SLC4A7: variants seen among roughly 807,000 people sequenced by gnomAD.
SLC4A7 encodes the protein solute carrier family 4 member 7.
Under a neutral mutation model 137.6 loss-of-function variants are expected in SLC4A7, and 51 were observed. That is an observed-to-expected ratio of 0.37 (90% CI 0.30 to 0.47). The LOEUF (loss-of-function observed/expected upper bound fraction) is 0.47. Ranked by LOEUF, SLC4A7 falls within the 20% of genes least tolerant of loss-of-function variation. The pLI is 1.00. For missense variants in SLC4A7, 1,247 were observed against 1,525.4 expected (o/e 0.82, Z 3.04); for synonymous variants, 542 against 518.6 (o/e 1.05, Z -0.61).
rs372599708 is a variant in SLC4A7, at chr3:27,394,976, T to C, written c.2843A>G (p.Asn948Ser). Residue 948 changes from asparagine to serine, a missense_variant, in exon 19 of 26, where the codon AAC becomes AGC. By Grantham distance (46) the Asn-to-Ser change is conservative. Coordinates refer to ENST00000454389, the MANE Select transcript of SLC4A7 (RefSeq NM_001321103.2). ...MDQQITAVII[N>S]RKEHKLKKGA... ...TACCTTCAATTTGTGTTCCTTTCTG[T>C]TTATAATTACAGCTGTGATTTGTTG... The C allele has an allele frequency of 1.3e-6, 2 of 1,598,406 alleles. No individual in the cohort carries two copies. Among genetic ancestry groups the C allele is most frequent in the African/African-American group, 1.3e-5 (1 of 74,144 alleles).
At chr3:27,483,784 C>T (rs1041041407) in intron 1 of SLC4A7, among the ~76,000 whole-genome samples, 3 of 151,838 alleles carry the variant, frequency 2.0e-5, no homozygotes, top group African/African-American at 7.2e-5. Context: ...GCGGCCTCTG[C>T]GGGGATGTCG....
chr3:27,376,749 C>T lies in SLC4A7; in HGVS notation c.*15G>A, dbSNP rs373766843. ...TATGTATATATCTATATGTATAATG[C>T]CTCTTGGTTCAATTCTATAATGAAG... is the stretch of plus-strand genomic sequence containing the variant. On this transcript the variant is annotated 3_prime_UTR_variant, in exon 26 of 26. Transcript: ENST00000454389. The T allele has an allele frequency of 2.7e-6, 4 of 1,502,024 alleles. No individual in the cohort carries two copies. Among genetic ancestry groups the T allele is most frequent in the Admixed American group, 3.4e-5 (2 of 58,546 alleles). 93.0% of individuals were successfully genotyped at this position (1,502,024 alleles called of 1,614,324 possible). A position where few individuals can be genotyped will look rare whatever the true frequency, so the allele number is the denominator to read the frequency against.
At chr3:27,389,764 C>G (rs1191602729) in intron 22 of SLC4A7, among the ~76,000 whole-genome samples, 167 bp downstream of exon 22, 1 of 151,882 alleles carries the variant, frequency 6.6e-6, no homozygotes, top group Non-Finnish European at 1.5e-5. Context: ...AAAATTGAAG[C>G]TGGGAAACAA....
intron 21 of SLC4A7, 70 bp from the exon 22 acceptor site, chr3:27,390,174 C>G (rs539784615): frequency 1.1e-6 from 1 of 894,892 alleles, no homozygotes; most frequent in Non-Finnish European, 1.7e-6. Context: ...AGAATCTATA[C>G]TCAACTTTAG....
At position 27,373,899 on chromosome 3, in the gene SLC4A7, T is replaced by C. The variant is rs1344784283; in HGVS notation, c.*2865A>G. 2.6e-5 allele frequency: 4 copies of C among 152,504 alleles called. No individual in the cohort carries two copies. The highest frequency in any genetic ancestry group is 9.7e-5 in the African/African-American group (4 of 41,430). 9.4% of individuals were successfully genotyped at this position (152,504 alleles called of 1,614,324 possible). A position where few individuals can be genotyped will look rare whatever the true frequency, so the allele number is the denominator to read the frequency against. On this transcript the variant is annotated 3_prime_UTR_variant, in exon 26 of 26. Transcript: ENST00000454389. ...CAGAAGACTTGGCAAATATGAACAA[T>C]GGGATGCCACAGCTTTTTAAAACAA...
chr3:27,390,622 T>C (rs551744182), intron 21 of SLC4A7, among the ~76,000 whole-genome samples: 2 of 152,270 alleles, frequency 1.3e-5, no homozygotes, highest in East Asian at 1.9e-4. Context: ...GCCCTAATCA[T>C]CTCACAAAAC....
intron 11 of SLC4A7, among the ~76,000 whole-genome samples, chr3:27,412,001 C>T (rs1025264571): frequency 6.6e-6 from 1 of 152,036 alleles, no homozygotes; most frequent in East Asian, 1.9e-4. Flanking sequence ...TATCAATATA[C>T]TATAAAATAT....
chr3:27,439,298 A>G (rs1259161763), intron 3 of SLC4A7, among the ~76,000 whole-genome samples: 4 of 152,196 alleles, frequency 2.6e-5, no homozygotes, highest in Non-Finnish European at 5.9e-5. Flanking sequence ...AAGGAAAATA[A>G]AAGAATAGGA....
chr3:27,457,873 G>A (rs982926897), intron 1 of SLC4A7, among the ~76,000 whole-genome samples: 1 of 152,124 alleles, frequency 6.6e-6, no homozygotes, highest in African/African-American at 2.4e-5. Context: ...CTGAAAGTCT[G>A]AATTATTATC....
intron 1 of SLC4A7, among the ~76,000 whole-genome samples, chr3:27,479,582 C>T (rs549784850): frequency 3.9e-5 from 6 of 152,320 alleles, no homozygotes; most frequent in Middle Eastern, 3.4e-3. Context: ...CTGCCAAACA[C>T]TACCATAACA....
At chr3:27,483,474 T>C (rs905714220) in intron 1 of SLC4A7, among the ~76,000 whole-genome samples, 6 of 152,300 alleles carry the variant, frequency 3.9e-5, no homozygotes, top group East Asian at 1.9e-4. Context: ...GAAAGAGCCT[T>C]GGCCGGGAAG....
At chr3:27,440,519 G>C (rs2057107183) in intron 3 of SLC4A7, among the ~76,000 whole-genome samples, 1 of 152,078 alleles carries the variant, frequency 6.6e-6, no homozygotes, top group Non-Finnish European at 1.5e-5. Flanking sequence ...CCTCAGGTCA[G>C]GAGTTCGAGA....
chr3:27,390,560 C>T (rs1051562444), intron 21 of SLC4A7, among the ~76,000 whole-genome samples: 1 of 152,076 alleles, frequency 6.6e-6, no homozygotes. Context: ...GAGCAAATGC[C>T]TTCATCTTTT....
chr3:27,460,911 T>C (rs2058663872), intron 1 of SLC4A7, among the ~76,000 whole-genome samples: 1 of 152,156 alleles, frequency 6.6e-6, no homozygotes, highest in Non-Finnish European at 1.5e-5. Flanking sequence ...ATGTATGTCT[T>C]TAATTATTCC....
chr3:27,427,447 T>C (rs1324071656), intron 7 of SLC4A7, among the ~76,000 whole-genome samples: 1 of 152,094 alleles, frequency 6.6e-6, no homozygotes, highest in African/African-American at 2.4e-5. Flanking sequence ...GCCACAAGTT[T>C]TATACATATT....
At chr3:27,405,638 ATG>A (rs539280007) in intron 13 of SLC4A7, among the ~76,000 whole-genome samples, 154 of 152,354 alleles carry the variant, frequency 1.0e-3, no homozygotes, top group African/African-American at 3.6e-3. Flanking sequence ...ATAAATCAAC[ATG>A]TGACTATCTT....
chr3:27,385,214 T>A (rs1235189773), intron 23 of SLC4A7, among the ~76,000 whole-genome samples: 1 of 152,152 alleles, frequency 6.6e-6, no homozygotes, highest in Non-Finnish European at 1.5e-5. Flanking sequence ...GGAACTACAA[T>A]CAACAAAACC....
intron 1 of SLC4A7, among the ~76,000 whole-genome samples, chr3:27,454,481 T>G (rs1314252117): frequency 4.6e-5 from 7 of 152,178 alleles, no homozygotes; most frequent in Non-Finnish European, 1.0e-4. Flanking sequence ...AGAAAAAAAT[T>G]TTTTAATAAA....
chr3:27,407,520 C>T (rs1375185501), intron 13 of SLC4A7, among the ~76,000 whole-genome samples: 1 of 151,776 alleles, frequency 6.6e-6, no homozygotes, highest in East Asian at 1.9e-4. Context: ...TGCCTGCCTA[C>T]CTCATTCTCA....
Sources: allele counts gnomAD v4.1 joint callset (sites outside exome capture counted in the v4.1 genomes callset), GRCh38; gene constraint gnomAD v4.1.1; transcripts MANE v1.5; gene names NCBI Gene and HGNC (gene_info 2026-07-23, HGNC 2026-07-21).